Variants in NEK11 observed in about 807,000 individuals in gnomAD.
NEK11 encodes NIMA related kinase 11, also known as serine/threonine-protein kinase Nek11.
NEK11 carries 72 observed loss-of-function variants against 80.7 expected under a neutral mutation model. The ratio of observed to expected loss-of-function variants is 0.89; its 90% confidence interval spans 0.74 to 1.08. The LOEUF (loss-of-function observed/expected upper bound fraction) is 1.08, where lower values mean the gene tolerates loss of function less well. NEK11 is among the 50% of genes least tolerant of loss of function. NEK11 has a pLI of 0.00. For synonymous variants in NEK11, 251 were observed against 260.7 expected (o/e 0.96, Z 0.36); for missense variants, 764 against 763.6 (o/e 1.00, Z -0.01).
At chr3:131,059,305 A>C (rs2148788876) in intron 3 of NEK11, among the ~76,000 whole-genome samples, 1 of 152,314 alleles carries the variant, frequency 6.6e-6, no homozygotes, top group African/African-American at 2.4e-5. Flanking sequence ...TGTATACATT[A>C]AGTGTGCAGG....
intron 5 of NEK11, among the ~76,000 whole-genome samples, chr3:131,113,560 A>G (rs916148975): frequency 6.6e-6 from 1 of 152,122 alleles, no homozygotes; most frequent in East Asian, 1.9e-4. Context: ...GACTCTTCTA[A>G]TAGTGTTTTA....
At chr3:131,155,171 T>C in intron 10 of NEK11, 50 bp downstream of exon 10, 1 of 1,189,870 alleles carries the variant, frequency 8.4e-7, no homozygotes, top group Non-Finnish European at 1.3e-6. Context: ...AAATGTTAAA[T>C]GTATTTGTCT....
chr3:131,162,161 G>A (rs113505718), intron 10 of NEK11, among the ~76,000 whole-genome samples: 4 of 152,278 alleles, frequency 2.6e-5, no homozygotes, highest in African/African-American at 7.2e-5. Context: ...AGTCATTGGC[G>A]ATGAAATGAG....
intron 3 of NEK11, 101 bp from the exon 4 acceptor site, chr3:131,080,322 G>T: frequency 1.2e-6 from 1 of 836,996 alleles, no homozygotes; most frequent in South Asian, 1.9e-5. Context: ...ATATGAGTAG[G>T]TCACAACCTG....
intron 17 of NEK11, among the ~76,000 whole-genome samples, chr3:131,316,079 TAGAC>T (rs1034026654): frequency 7.2e-5 from 11 of 152,182 alleles, no homozygotes; most frequent in Non-Finnish European, 1.5e-4. Flanking sequence ...ATACACCAGG[TAGAC>T]AGACAGTAGT....
chr3:131,156,863 AT>A (rs1383402748), intron 10 of NEK11, among the ~76,000 whole-genome samples: 1 of 152,084 alleles, frequency 6.6e-6, no homozygotes, highest in East Asian at 1.9e-4. Context: ...TTAAGGAAAT[AT>A]GCTTAACATT....
chr3:131,228,346 T>C (rs1446220167), intron 14 of NEK11, among the ~76,000 whole-genome samples, 182 bp from the exon 15 acceptor site: 1 of 152,224 alleles, frequency 6.6e-6, no homozygotes, highest in Non-Finnish European at 1.5e-5. Flanking sequence ...CTACTGGTTT[T>C]ATTTTGCTGA....
intron 13 of NEK11, among the ~76,000 whole-genome samples, chr3:131,169,535 G>C (rs538892129): frequency 1.6e-4 from 25 of 152,088 alleles, no homozygotes; most frequent in Non-Finnish European, 3.1e-4. Flanking sequence ...ATCATGTTAG[G>C]CACTGTTTCT....
intron 3 of NEK11, among the ~76,000 whole-genome samples, chr3:131,049,797 A>G (rs1319197651): frequency 6.6e-6 from 1 of 152,200 alleles, no homozygotes; most frequent in Non-Finnish European, 1.5e-5. Context: ...TTCTAAAAGT[A>G]GAGATCTTCT....
At chr3:131,250,232 C>T (rs2095674481) in intron 16 of NEK11, among the ~76,000 whole-genome samples, 1 of 151,176 alleles carries the variant, frequency 6.6e-6, no homozygotes, top group Non-Finnish European at 1.5e-5. Context: ...CAGCACCTAA[C>T]AAATAGAAAT....
intron 14 of NEK11, among the ~76,000 whole-genome samples, chr3:131,190,222 A>C (rs1338589344): frequency 1.3e-5 from 2 of 152,194 alleles, no homozygotes; most frequent in Non-Finnish European, 2.9e-5. Flanking sequence ...GAGCACTCAC[A>C]TGTGCCCGGC....
intron 7 of NEK11, among the ~76,000 whole-genome samples, chr3:131,141,154 G>A (rs778583577): frequency 7.2e-5 from 11 of 152,036 alleles, no homozygotes; most frequent in African/African-American, 1.2e-4. Flanking sequence ...TGCCCCTAGG[G>A]TGGTATTTGC....
chr3:131,281,778 G>A (rs2096399880), intron 17 of NEK11, among the ~76,000 whole-genome samples: 1 of 152,170 alleles, frequency 6.6e-6, no homozygotes, highest in Non-Finnish European at 1.5e-5. Context: ...CTGCCTGTCT[G>A]TCTGTCTGCC....
intron 14 of NEK11, among the ~76,000 whole-genome samples, chr3:131,211,867 T>G (rs968577948): frequency 2.6e-5 from 4 of 152,184 alleles, no homozygotes; most frequent in African/African-American, 9.7e-5. Context: ...TTATCCATTC[T>G]TCTAATCTTT....
intron 14 of NEK11, among the ~76,000 whole-genome samples, chr3:131,208,726 A>G (rs1291852182): frequency 6.6e-6 from 1 of 152,164 alleles, no homozygotes; most frequent in African/African-American, 2.4e-5. Flanking sequence ...CTTTGAAGCA[A>G]TTGTGAATGG....
chr3:131,253,026 A>G (rs190817968), intron 16 of NEK11, among the ~76,000 whole-genome samples: 49 of 152,180 alleles, frequency 3.2e-4, no homozygotes, highest in Non-Finnish European at 1.0e-4. Flanking sequence ...CACTGTGCAT[A>G]AGAGTTACTG....
intron 3 of NEK11, among the ~76,000 whole-genome samples, chr3:131,041,065 C>T (rs1422054964): frequency 6.6e-6 from 1 of 152,180 alleles, no homozygotes; most frequent in Non-Finnish European, 1.5e-5. Context: ...CATACAAATG[C>T]ATACACTGTG....
chr3:131,046,359 T>A (rs2067387775), intron 3 of NEK11, among the ~76,000 whole-genome samples: 1 of 152,204 alleles, frequency 6.6e-6, no homozygotes, highest in East Asian at 1.9e-4. Context: ...TTTTTTTCAC[T>A]TATGAAGCTT....
At chr3:131,263,549 G>T (rs2095977024) in intron 16 of NEK11, among the ~76,000 whole-genome samples, 1 of 152,040 alleles carries the variant, frequency 6.6e-6, no homozygotes, top group Admixed American at 6.6e-5. Flanking sequence ...TGGCAATGTG[G>T]GCTCTTTTTG....
Sources: gnomAD v4.1 joint callset for allele counts (sites outside exome capture counted in the v4.1 genomes callset) on GRCh38, gnomAD v4.1.1 for gene constraint, MANE v1.5 for transcripts, NCBI Gene and HGNC (gene_info 2026-07-23, HGNC 2026-07-21) for gene names.